ZNF800: variants seen among roughly 807,000 people sequenced by gnomAD.
The protein encoded by ZNF800 is zinc finger protein 800.
A neutral mutation model predicts 59.5 loss-of-function variants in ZNF800; 13 were observed. The ratio of observed to expected loss-of-function variants is 0.22; its 90% CI spans 0.14 to 0.35. The LOEUF (loss-of-function observed/expected upper bound fraction) is 0.35, where lower values mean the gene tolerates loss of function less well. Ranked by LOEUF, ZNF800 falls within the 10% of genes least tolerant of loss-of-function variation. The pLI is 1.00. For synonymous variants in ZNF800, 266 were observed against 265.7 expected (o/e 1.00, Z -0.01); for missense variants, 621 against 783.7 (o/e 0.79, Z 2.48).
intron 3 of ZNF800, among the ~76,000 whole-genome samples, chr7:127,378,881 T>C (rs974389111): frequency 1.3e-5 from 2 of 152,134 alleles, no homozygotes; most frequent in Non-Finnish European, 2.9e-5. Context: ...AGCTTTATAA[T>C]CTTTATACTT....
chr7:127,380,481 C>T (rs1485059346), intron 3 of ZNF800, among the ~76,000 whole-genome samples: 2 of 152,178 alleles, frequency 1.3e-5, no homozygotes, highest in Non-Finnish European at 2.9e-5. Flanking sequence ...GTGTCTCAGT[C>T]CACAAACAGA....
In ZNF800 at chr7:127,373,792, T is replaced by A; in HGVS notation, c.1544A>T (p.Tyr515Phe). 6.2e-7 allele frequency: 1 copy of A among 1,614,170 alleles called. No individual in the cohort carries two copies. The highest frequency in any genetic ancestry group is 8.5e-7 in the Non-Finnish European group (1 of 1,180,020). Reference protein sequence around the residue: ...IELHTDGNNIYVKFYKCPLCT... With the variant: ...IELHTDGNNIFVKFYKCPLCT... ...AAGAGGACACTTGTAGAATTTAACA[T>A]AAATGTTATTTCCATCTGTGTGCAA... is the stretch of plus-strand genomic sequence containing the variant. Residue 515 changes from tyrosine to phenylalanine, a missense_variant, in exon 5 of 6, where the codon TAT (tyrosine) becomes TTT (phenylalanine). Tyr to Phe is a conservative substitution (Grantham distance 22). This residue lies in a region of ZNF800 where 46 missense variants were observed against 118.4 expected (regional missense o/e 0.39). Coordinates refer to ENST00000265827, the MANE Select transcript of ZNF800 (RefSeq NM_176814.5).
At chr7:127,354,700 T>C (rs1440704203) in intron 1 of ZNF800, among the ~76,000 whole-genome samples, 1 of 152,102 alleles carries the variant, frequency 6.6e-6, no homozygotes, top group African/African-American at 2.4e-5. Flanking sequence ...AAAAACATGT[T>C]ATTACATATT....
chr7:127,368,834 A>T (rs1800565819), downstream of ZNF800, among the ~76,000 whole-genome samples: 1 of 152,062 alleles, frequency 6.6e-6, no homozygotes. Flanking sequence ...CTATTTATTG[A>T]CCATAAAGTA....
At chr7:127,384,245 T>C (rs915408765) in intron 3 of ZNF800, among the ~76,000 whole-genome samples, 8 of 136,044 alleles carry the variant, frequency 5.9e-5, no homozygotes, top group African/African-American at 2.2e-4. Flanking sequence ...TTTTTTTTTT[T>C]TTTTTTTAGA....
chr7:127,374,321 T>C lies in ZNF800; in HGVS notation c.1015A>G (p.Lys339Glu). 1 of 1,613,282 alleles carries C rather than the reference T, an allele frequency of 6.2e-7. No individual in the cohort carries two copies. Among genetic ancestry groups the C allele is most frequent in the Non-Finnish European group, 8.5e-7 (1 of 1,179,810 alleles). ...PLFLDSISPK[K>E]SFKTRKQKSS... Reference sequence around the variant, plus strand: ...TTTTGTTTTCGAGTCTTAAAAGATTTTTTAGGAGAAATAGAATCCAGGAAC... The same window carrying C: ...TTTTGTTTTCGAGTCTTAAAAGATTCTTTAGGAGAAATAGAATCCAGGAAC... The change falls in exon 5 of 6, where the codon AAA becomes GAA. Residue 339 changes from lysine (K) to glutamate (E), a missense_variant. By Grantham distance (56) the Lys-to-Glu change is moderately conservative. Coordinates refer to ENST00000265827, the MANE Select transcript of ZNF800 (RefSeq NM_176814.5).
rs1184865878 is a variant in ZNF800 at position 127,379,833 on chromosome 7, G to GCCC, written c.158-2505_158-2504insGGG. On this transcript the variant is annotated intron_variant, in intron 3 of 5. Coordinates refer to ENST00000265827, the MANE Select transcript of ZNF800 (RefSeq NM_176814.5). ...ATCACAAATGCTTCCCCTTACCCTT[G>GCCC]CCACCCCCCCACCCCCCCACCCCCC... Among the ~76,000 whole-genome samples the GCCC allele has an allele frequency of 7.5e-3, 95 of 12,670 alleles. 3 individuals carry two copies. The highest frequency in any genetic ancestry group is 0.022 in the African/African-American group (67 of 2,992). 8.3% of individuals were successfully genotyped at this position (12,670 alleles called of 152,430 possible).
At chr7:127,362,603 A>C (rs1172501122) in intron 1 of ZNF800, 1 of 152,112 alleles carries the variant, frequency 6.6e-6, no homozygotes, top group Non-Finnish European at 1.5e-5. Flanking sequence ...TGCTAGGCCC[A>C]GGGTCTACAT....
chr7:127,387,721 C>T (rs1446638482), intron 2 of ZNF800, among the ~76,000 whole-genome samples: 3 of 151,816 alleles, frequency 2.0e-5, no homozygotes, highest in Admixed American at 6.6e-5. Context: ...ATTAGCCAGG[C>T]GTGGTGGCTC....
Position 127,374,857 on chromosome 7 carries a change from C to G in ZNF800, c.479G>C (p.Ser160Thr), listed in dbSNP as rs766921607. The G allele has an allele frequency of 4.3e-6, 7 of 1,613,694 alleles. No individual in the cohort carries two copies. The highest frequency in any genetic ancestry group is 1.3e-5 in the African/African-American group (1 of 74,870). Residue 160 changes from serine (S) to threonine (T), a missense_variant, in exon 5 of 6, where the codon AGC becomes ACC. Physicochemically the swap from Ser to Thr is moderately conservative, Grantham distance 58 (BLOSUM62 1). This residue lies in a region of ZNF800 where 218 missense variants were observed against 230.8 expected (regional missense o/e 0.94). Transcript: ENST00000265827. ...TDNPIEVTES[S>T]STPEQTEVQI... ...AACTTCGGTTTGTTCAGGAGTACTG[C>G]TTGACTCTGTGACTTCAATAGGATT...
At chr7:127,359,785 T>G (rs1425248582) in intron 1 of ZNF800, 1 of 152,040 alleles carries the variant, frequency 6.6e-6, no homozygotes, top group Admixed American at 6.6e-5. Flanking sequence ...AAGGACAAAG[T>G]TTCATCCTCT....
chr7:127,379,645 C>T (rs1272967621), intron 3 of ZNF800, among the ~76,000 whole-genome samples: 2 of 152,034 alleles, frequency 1.3e-5, no homozygotes, highest in East Asian at 3.8e-4. Context: ...ATCACTTTGC[C>T]TACCAGCTTC....
chr7:127,346,144 G>A (rs1800059482), downstream of ZNF800, among the ~76,000 whole-genome samples: 1 of 152,212 alleles, frequency 6.6e-6, no homozygotes, highest in Non-Finnish European at 1.5e-5. Flanking sequence ...CAAGGTAACT[G>A]GGTTGGAGGA....
intron 3 of ZNF800, among the ~76,000 whole-genome samples, chr7:127,380,456 T>A (rs1283417258): frequency 6.6e-6 from 1 of 152,214 alleles, no homozygotes; most frequent in Admixed American, 6.5e-5. Flanking sequence ...AGTTAACAAA[T>A]GAGAAAAATA....
intron 1 of ZNF800, among the ~76,000 whole-genome samples, chr7:127,351,777 T>C (rs1475077395): frequency 6.6e-6 from 1 of 152,188 alleles, no homozygotes; most frequent in Non-Finnish European, 1.5e-5. Context: ...TGCTACCATT[T>C]TCAAAATAAC....
chr7:127,384,230 T>TTTTTTTTTTTTTTTTG, intron 3 of ZNF800, among the ~76,000 whole-genome samples: 1 of 77,004 alleles, frequency 1.3e-5, no homozygotes, highest in Non-Finnish European at 3.0e-5. Flanking sequence ...CTAACTTCTT[T>TTTTTTTTTTTTTTTTG]TTTTTTTTTT....
intron 1 of ZNF800, chr7:127,361,970 T>C (rs543073969): frequency 6.6e-6 from 1 of 152,234 alleles, no homozygotes; most frequent in South Asian, 2.1e-4. Context: ...CTATGTTGAA[T>C]ATGATTCTCT....
chr7:127,376,817 G>A (rs1419419), intron 4 of ZNF800, among the ~76,000 whole-genome samples: 97,288 of 151,648 alleles, frequency 0.64, 31,606 homozygotes, highest in East Asian at 0.86. Flanking sequence ...ACATCTGGTT[G>A]CAAGTTGTTA....
intron 1 of ZNF800, chr7:127,360,314 A>C (rs147397483): frequency 6.6e-6 from 1 of 152,116 alleles, no homozygotes; most frequent in African/African-American, 2.4e-5. Context: ...ATAACCAACC[A>C]CTAGTGTAAT....
Sources: allele counts gnomAD v4.1 joint callset (sites outside exome capture counted in the v4.1 genomes callset), GRCh38; gene constraint gnomAD v4.1.1; regional missense constraint gnomAD v4.1.1; transcripts MANE v1.5; gene names NCBI Gene and HGNC (gene_info 2026-07-23, HGNC 2026-07-21).